Variants in RFX8 observed in about 807,000 individuals in gnomAD.
The protein encoded by RFX8 is DNA-binding protein RFX8.
RFX8 carries 46 observed loss-of-function variants against 54.6 expected under a neutral mutation model. The ratio of observed to expected loss-of-function variants is 0.84; its 90% confidence interval spans 0.67 to 1.08. RFX8 has a LOEUF of 1.08. Among genes scored for constraint, RFX8 ranks in the 50% least tolerant of loss-of-function variants. The probability of loss-of-function intolerance (pLI) is 0.00; values close to 1 mark genes in which losing one functional copy is unlikely to be tolerated. For missense variants in RFX8, 536 were observed against 562.3 expected, an observed-to-expected ratio of 0.95 and a Z score of 0.47; for synonymous variants, 192 against 209.5, an observed-to-expected ratio of 0.92 and a Z score of 0.72.
intron 2 of RFX8, among the ~76,000 whole-genome samples, chr2:101,463,436 G>A (rs1438415305): frequency 1.3e-5 from 2 of 152,292 alleles, no homozygotes; most frequent in Non-Finnish European, 2.9e-5. Context: ...AGAGATGGGT[G>A]CAGCTGTGGG....
chr2:101,466,027 C>T (rs1689556208), intron 2 of RFX8, among the ~76,000 whole-genome samples: 1 of 152,156 alleles, frequency 6.6e-6, no homozygotes. Flanking sequence ...CACAAATGAA[C>T]AGAAGTTTCA....
intron 2 of RFX8, 70 bp from the exon 3 acceptor site, chr2:101,422,542 A>G (rs1171245999): frequency 5.9e-6 from 5 of 847,466 alleles, no homozygotes; most frequent in Non-Finnish European, 9.8e-6. Flanking sequence ...AAATCTTCTT[A>G]TGATCACACT....
chr2:101,400,644 C>T (rs1685379791), intron 11 of RFX8, among the ~76,000 whole-genome samples: 1 of 152,222 alleles, frequency 6.6e-6, no homozygotes, highest in Non-Finnish European at 1.5e-5. Context: ...CCTTACGGTG[C>T]TTTAACGAGT....
At chr2:101,401,511 A>G (rs1685443710) in intron 11 of RFX8, among the ~76,000 whole-genome samples, 1 of 152,134 alleles carries the variant, frequency 6.6e-6, no homozygotes, top group African/African-American at 2.4e-5. Flanking sequence ...ACTAAGCACA[A>G]CTCATCTGTG....
rs1293929524 is a variant in RFX8, at chr2:101,397,454, A to G, written c.*94T>C. 14 of 788,862 alleles carry G rather than the reference A, an allele frequency of 1.8e-5. No homozygotes were observed. Among genetic ancestry groups the G allele is most frequent in the Non-Finnish European group, 2.7e-5 (14 of 514,338 alleles). 48.9% of individuals were successfully genotyped at this position (788,862 alleles called of 1,614,324 possible). A position where few individuals can be genotyped will look rare whatever the true frequency, so the allele number is the denominator to read the frequency against. On this transcript the variant is annotated 3_prime_UTR_variant, in exon 12 of 12. Coordinates refer to ENST00000428343, the MANE Select transcript of RFX8 (RefSeq NM_001145664.2). ...CAATGCTACATCTATTATATACATA[A>G]CATCATCTTTCGTCAATAGAAAAAC...
At chr2:101,422,077 T>C (rs1686899547) in intron 3 of RFX8, among the ~76,000 whole-genome samples, 1 of 152,144 alleles carries the variant, frequency 6.6e-6, no homozygotes, top group African/African-American at 2.4e-5. Context: ...ATTTTCCCCC[T>C]CCATAATCCC....
chr2:101,457,909 T>A (rs1381880709), intron 2 of RFX8, among the ~76,000 whole-genome samples: 2 of 152,212 alleles, frequency 1.3e-5, no homozygotes, highest in African/African-American at 4.8e-5. Flanking sequence ...TGGGTGCATA[T>A]ATATTTAAGA....
At chr2:101,454,785 T>A in intron 2 of RFX8, among the ~76,000 whole-genome samples, 1 of 152,214 alleles carries the variant, frequency 6.6e-6, no homozygotes, top group East Asian at 1.9e-4. Flanking sequence ...TATTTGTAGA[T>A]TCTGGATATT....
chr2:101,397,455 C>T lies in RFX8; in HGVS notation c.*93G>A, dbSNP rs887982972. ...AATGCTACATCTATTATATACATAA[C>T]ATCATCTTTCGTCAATAGAAAAACT... On this transcript the variant is annotated 3_prime_UTR_variant, in exon 12 of 12. Transcript: ENST00000428343. 9 of 787,882 alleles carry T rather than the reference C, an allele frequency of 1.1e-5. No homozygotes were observed. In the African/African-American group the frequency reaches 1.4e-4, roughly 12 times the overall value. The allele number at this position is 787,882 out of a possible 1,614,324, so 48.8% of individuals were successfully genotyped here. A position where few individuals can be genotyped will look rare whatever the true frequency, so the allele number is the denominator to read the frequency against.
intron 2 of RFX8, among the ~76,000 whole-genome samples, chr2:101,461,306 A>G (rs1259972566): frequency 1.3e-5 from 2 of 152,056 alleles, no homozygotes; most frequent in East Asian, 3.9e-4. Flanking sequence ...AAAGAAAAGA[A>G]AAATGACAGG....
intron 2 of RFX8, among the ~76,000 whole-genome samples, chr2:101,439,815 C>T (rs141451524): frequency 1.8e-4 from 28 of 152,002 alleles, no homozygotes; most frequent in African/African-American, 4.3e-4. Context: ...TGGGTTCAAG[C>T]GATTCTCCTG....
At chr2:101,419,478 T>C (rs1047244396) in intron 4 of RFX8, among the ~76,000 whole-genome samples, 37 of 152,346 alleles carry the variant, frequency 2.4e-4, no homozygotes, top group Non-Finnish European at 8.8e-5. Flanking sequence ...TAAAGACTTA[T>C]GTGGACTACT....
At chr2:101,406,742 G>A (rs560984620) in intron 9 of RFX8, among the ~76,000 whole-genome samples, 1 of 152,310 alleles carries the variant, frequency 6.6e-6, no homozygotes, top group Admixed American at 6.5e-5. Context: ...ATCAAGAGGG[G>A]CAGGGGCTGT....
intron 2 of RFX8, among the ~76,000 whole-genome samples, chr2:101,430,929 T>C (rs1687446875): frequency 6.6e-6 from 1 of 152,220 alleles, no homozygotes; most frequent in Admixed American, 6.5e-5. Flanking sequence ...CAGCAAAATA[T>C]GGTCATCACT....
chr2:101,417,705 C>A, intron 5 of RFX8, 21 bp from the exon 6 acceptor site: 1 of 1,534,912 alleles, frequency 6.5e-7, no homozygotes, highest in Non-Finnish European at 8.8e-7. Flanking sequence ...AGTAACAAGA[C>A]ACTATGATTC....
At chr2:101,455,318 A>G (rs1688909272) in intron 2 of RFX8, among the ~76,000 whole-genome samples, 2 of 152,042 alleles carry the variant, frequency 1.3e-5, no homozygotes, top group South Asian at 2.1e-4. Context: ...TGGCTTGCCT[A>G]GGTTTTCTTC....
At chr2:101,426,487 C>G (rs1335725431) in intron 2 of RFX8, among the ~76,000 whole-genome samples, 2 of 152,080 alleles carry the variant, frequency 1.3e-5, no homozygotes, top group Non-Finnish European at 2.9e-5. Flanking sequence ...CCACTGCTCT[C>G]CAGCCTGGGC....
At chr2:101,428,912 T>C (rs1422694560) in intron 2 of RFX8, 2 of 1,185,170 alleles carry the variant, frequency 1.7e-6, no homozygotes, top group African/African-American at 3.0e-5. Context: ...CTGGTATTGC[T>C]AGGTCTGGGT....
At chr2:101,421,604 G>A (rs1686866270) in intron 4 of RFX8, 120 bp downstream of exon 4, 14 of 1,456,644 alleles carry the variant, frequency 9.6e-6, no homozygotes, top group Non-Finnish European at 1.3e-5. Flanking sequence ...CTTCAGTGCA[G>A]TGGGTTACCA....
Sources: allele counts gnomAD v4.1 joint callset (sites outside exome capture counted in the v4.1 genomes callset), GRCh38; gene constraint gnomAD v4.1.1; transcripts MANE v1.5; gene names NCBI Gene and HGNC (gene_info 2026-07-23, HGNC 2026-07-21).